YWHAZ: variants seen among roughly 807,000 people sequenced by gnomAD.
YWHAZ encodes the protein tyrosine 3-monooxygenase/tryptophan 5-monooxygenase activation protein zeta.
For missense variants in YWHAZ, 79 were observed against 284.8 expected (o/e 0.28, Z 5.20); for synonymous variants, 87 against 103.6 (o/e 0.84, Z 0.97).
At chr8:100,952,149 T>C (rs1810839743), upstream of YWHAZ, 15 of 985,426 alleles carry the variant, frequency 1.5e-5, no homozygotes, top group Non-Finnish European at 1.7e-5. Flanking sequence ...CGTTGATTGG[T>C]GCCCACAGCG....
intron 2 of YWHAZ, among the ~76,000 whole-genome samples, chr8:100,932,740 T>G (rs1813843471): frequency 6.6e-6 from 1 of 152,190 alleles, no homozygotes; most frequent in African/African-American, 2.4e-5. Context: ...GCAGCTAGTT[T>G]ATCTCACAAT....
rs1812867816 is a variant in YWHAZ, at chr8:100,919,334, T to C, written c.*1359A>G. On this transcript the variant is annotated 3_prime_UTR_variant, in exon 6 of 6. Coordinates refer to ENST00000395958, the MANE Select transcript of YWHAZ (RefSeq NM_145690.3). Reference sequence around the variant, plus strand: ...GATTTGGAAGCACAAAACTTACAGTTAATGCTACCCAATGTCATGATGGGC... The same window carrying C: ...GATTTGGAAGCACAAAACTTACAGTCAATGCTACCCAATGTCATGATGGGC... 6.5e-6 allele frequency: 1 copy of C among 152,684 alleles called. No individual in the cohort carries two copies. Among genetic ancestry groups the C allele is most frequent in the Non-Finnish European group, 1.5e-5 (1 of 68,050 alleles). 9.5% of individuals were successfully genotyped at this position (152,684 alleles called of 1,614,324 possible).
intron 2 of YWHAZ, among the ~76,000 whole-genome samples, chr8:100,937,020 A>G (rs1177566403): frequency 6.6e-6 from 1 of 152,238 alleles, no homozygotes; most frequent in Non-Finnish European, 1.5e-5. Flanking sequence ...AGGAAATTAC[A>G]GTAAAACAAT....
chr8:100,941,849 A>G (rs1441835134), intron 2 of YWHAZ, among the ~76,000 whole-genome samples: 2 of 152,242 alleles, frequency 1.3e-5, no homozygotes, highest in South Asian at 2.1e-4. Flanking sequence ...CCAACTCATT[A>G]AACGATTAAA....
At chr8:100,951,890 G>A (rs1810816711) in intron 1 of YWHAZ, 39 bp downstream of exon 1, 1 of 992,316 alleles carries the variant, frequency 1.0e-6, no homozygotes, top group Non-Finnish European at 1.2e-6. Context: ...GGCTGGCCTG[G>A]GACAGGAAGC....
intron 2 of YWHAZ, among the ~76,000 whole-genome samples, chr8:100,941,704 G>A (rs1809871047): frequency 1.3e-5 from 2 of 151,972 alleles, no homozygotes; most frequent in South Asian, 4.2e-4. Context: ...AGAATCGCTT[G>A]AACCCGGAAG....
intron 5 of YWHAZ, among the ~76,000 whole-genome samples, chr8:100,921,299 G>A (rs1813009235): frequency 6.6e-6 from 1 of 152,190 alleles, no homozygotes; most frequent in Non-Finnish European, 1.5e-5. Flanking sequence ...AAAGTGGTGA[G>A]ATTACAGGTG....
rs1812848773 is a variant in YWHAZ at position 100,919,022 on chromosome 8, A to T, written c.*1671T>A. On this transcript the variant is annotated 3_prime_UTR_variant, in exon 6 of 6. Coordinates refer to ENST00000395958, the MANE Select transcript of YWHAZ (RefSeq NM_145690.3). Reference sequence around the variant, plus strand: ...GATAGGTAGGGTTTTAAAGGGAGATAAACACAGTCTCATCAACTAAGGAGA... The same window carrying T: ...GATAGGTAGGGTTTTAAAGGGAGATTAACACAGTCTCATCAACTAAGGAGA... 1.3e-5 allele frequency: 2 copies of T among 152,350 alleles called. No homozygotes were observed. The allele number at this position is 152,350 out of a possible 1,614,324, so 9.4% of individuals were successfully genotyped here. A position where few individuals can be genotyped will look rare whatever the true frequency, so the allele number is the denominator to read the frequency against.
At chr8:100,941,834 A>AT (rs1809889794) in intron 2 of YWHAZ, among the ~76,000 whole-genome samples, 1 of 151,520 alleles carries the variant, frequency 6.6e-6, no homozygotes, top group South Asian at 2.1e-4. Context: ...AACATCTCTA[A>AT]CTTCCCAACT....
intron 1 of YWHAZ, among the ~76,000 whole-genome samples, chr8:100,950,740 C>A (rs891552870): frequency 5.3e-5 from 8 of 151,974 alleles, no homozygotes; most frequent in Middle Eastern, 6.8e-3. Context: ...GGAACCACTA[C>A]CAGCCCCGCC....
Position 100,948,070 on chromosome 8 carries a change from A to T in YWHAZ, c.294+526T>A. 1 of 1,531,654 alleles carries T rather than the reference A, an allele frequency of 6.5e-7. No individual in the cohort carries two copies. Among genetic ancestry groups the T allele is most frequent in the Non-Finnish European group, 8.7e-7 (1 of 1,145,144 alleles). The allele number at this position is 1,531,654 out of a possible 1,614,324, so 94.9% of individuals were successfully genotyped here. ...TTTCATCATGGTTGTGAGTGTTCAA[A>T]ATTTACCTTCAAGAATTCAATGCAG... On this transcript the variant is annotated intron_variant, in intron 2 of 5. Transcript: ENST00000395958. This position sits in a 1 kb window ranked among gnomAD's most constrained non-coding sequence, Gnocchi z 4.2.
chr8:100,952,963 G>A, upstream of YWHAZ: 1 of 1,000,770 alleles, frequency 1.0e-6, no homozygotes, highest in Middle Eastern at 5.2e-4. Flanking sequence ...GAGAGCGCGG[G>A]ATCTGCGCTC....
chr8:100,953,050 G>C (rs1258653686), upstream of YWHAZ: 1 of 999,084 alleles, frequency 1.0e-6, no homozygotes, highest in East Asian at 1.1e-4. Flanking sequence ...GCCGGCAGGA[G>C]GTGAGGCCTG....
chr8:100,930,987 T>A (rs1223927456), intron 2 of YWHAZ, among the ~76,000 whole-genome samples: 1 of 152,226 alleles, frequency 6.6e-6, no homozygotes, highest in Non-Finnish European at 1.5e-5. Context: ...AAATATGTGA[T>A]ATGGGCTCTG....
intron 2 of YWHAZ, among the ~76,000 whole-genome samples, chr8:100,946,120 C>A (rs1810245578): frequency 6.6e-6 from 1 of 152,132 alleles, no homozygotes; most frequent in African/African-American, 2.4e-5. Flanking sequence ...CCAGAGTGAA[C>A]TTCCTTAATA....
chr8:100,932,624 G>A (rs1174258763), intron 2 of YWHAZ, among the ~76,000 whole-genome samples: 1 of 152,144 alleles, frequency 6.6e-6, no homozygotes, highest in Non-Finnish European at 1.5e-5. Flanking sequence ...CTTAAAGTGA[G>A]AGGCTCAATT....
intron 2 of YWHAZ, among the ~76,000 whole-genome samples, chr8:100,934,697 A>C (rs1398209536): frequency 1.3e-5 from 2 of 152,154 alleles, no homozygotes; most frequent in Admixed American, 1.3e-4. Flanking sequence ...AAAACAAAAG[A>C]GTAAGGAGGT....
Position 100,948,582 on chromosome 8 carries a change from G to A in YWHAZ, c.294+14C>T, listed in dbSNP as rs1270969842. 1 of 1,609,098 alleles carries A rather than the reference G, an allele frequency of 6.2e-7. No individual in the cohort carries two copies. The highest frequency in any genetic ancestry group is 1.7e-5 in the Admixed American group (1 of 59,740). The stretch of plus-strand genomic sequence containing the variant: ...CCCTACAGTATAATGAAGCCAGACT[G>A]AATTGATTCTCACCAGTACATCATT... On this transcript the variant is annotated intron_variant, in intron 2 of 5. Coordinates refer to ENST00000395958, the MANE Select transcript of YWHAZ (RefSeq NM_145690.3). This position sits in a 1 kb window ranked among gnomAD's most constrained non-coding sequence, Gnocchi z 4.2.
In YWHAZ at chr8:100,924,441, T is replaced by A. The variant is rs915703166; in HGVS notation, c.419-143A>T. The A allele has an allele frequency of 1.1e-5, 9 of 828,000 alleles. No individual in the cohort carries two copies. The highest frequency in any genetic ancestry group is 1.4e-5 in the Non-Finnish European group (8 of 559,720). The allele number at this position is 828,000 out of a possible 1,614,324, so 51.3% of individuals were successfully genotyped here. ...TTTGTTAATTGAACAAGGTCCTTTT[T>A]TTTTTTTAAAGGGAGCTTTCTCCTG... On this transcript the variant is annotated intron_variant, in intron 3 of 5. Transcript: ENST00000395958. The surrounding 1 kb of genome is among the most constrained non-coding windows in gnomAD (Gnocchi z 5.7).
Sources: gnomAD v4.1 joint callset for allele counts (sites outside exome capture counted in the v4.1 genomes callset) on GRCh38, gnomAD v4.1.1 for gene constraint, Gnocchi (gnomAD v3.1) non-coding constraint, MANE v1.5 for transcripts, NCBI Gene and HGNC (gene_info 2026-07-23, HGNC 2026-07-21) for gene names.